The following PDZD9 variants were observed in gnomAD, a reference collection of about 807,000 sequenced individuals.
PDZD9 encodes PDZ domain containing 9.
A neutral mutation model predicts 16.3 loss-of-function variants in PDZD9; 13 were observed. That is an observed-to-expected ratio of 0.80 (90% CI 0.52 to 1.27). The LOEUF (loss-of-function observed/expected upper bound fraction) is 1.27. Ranked by LOEUF, PDZD9 falls within the 50% of genes most tolerant of loss-of-function variation. PDZD9 has a pLI of 0.00. For missense variants in PDZD9, 288 were observed against 310.9 expected (o/e 0.93, Z 0.55); for synonymous variants, 120 against 111.0 (o/e 1.08, Z -0.51).
At chr16:21,980,029 A>G (rs549172710), downstream of PDZD9, among the ~76,000 whole-genome samples, 1 of 152,332 alleles carries the variant, frequency 6.6e-6, no homozygotes, top group East Asian at 1.9e-4. Context: ...CTGAGCACAT[A>G]TGAGATAACC....
At chr16:21,975,511 G>A in the PDZD9 span, among the ~76,000 whole-genome samples, 1 of 152,122 alleles carries the variant, frequency 6.6e-6, no homozygotes, top group African/African-American at 2.4e-5. Context: ...AGCCAGCACT[G>A]GGATGGAGAA....
intron 3 of PDZD9, among the ~76,000 whole-genome samples, chr16:21,987,113 G>A (rs1018410687): frequency 1.3e-5 from 2 of 152,132 alleles, no homozygotes; most frequent in African/African-American, 4.8e-5. Context: ...GCCAGGATCA[G>A]ATTTGCATTA....
downstream of PDZD9, among the ~76,000 whole-genome samples, chr16:21,979,412 G>A (rs1008312658): frequency 1.3e-5 from 2 of 152,186 alleles, no homozygotes; most frequent in Non-Finnish European, 2.9e-5. Flanking sequence ...TTTCATCACT[G>A]TGTGAACCTC....
chr16:21,965,377 TTCCCTAAA>T, the PDZD9 span: 1 of 1,604,536 alleles, frequency 6.2e-7, no homozygotes, highest in Non-Finnish European at 8.5e-7. Context: ...GAAAGTGCAT[TTCCCTAAA>T]TGCTTCTTCA....
chr16:21,982,983 A>G, downstream of PDZD9: 1 of 960,076 alleles, frequency 1.0e-6, no homozygotes. Context: ...AAAAAAAAAA[A>G]GAATGTCCTA....
At chr16:21,998,049 G>A (rs1899194124) in intron 1 of PDZD9, among the ~76,000 whole-genome samples, 1 of 152,086 alleles carries the variant, frequency 6.6e-6, no homozygotes, top group Admixed American at 6.6e-5. Flanking sequence ...CTCTGTTTGG[G>A]AAAATAAAAT....
intron 1 of PDZD9, among the ~76,000 whole-genome samples, chr16:21,996,834 G>A (rs1051297385): frequency 6.6e-6 from 1 of 152,114 alleles, no homozygotes; most frequent in Non-Finnish European, 1.5e-5. Context: ...GGGTTTTTTG[G>A]TTTTAACAGA....
Position 21,988,605 on chromosome 16 carries a change from G to T in PDZD9, c.398C>A (p.Thr133Lys). The T allele has an allele frequency of 6.2e-7, 1 of 1,606,554 alleles. No individual in the cohort carries two copies. The highest frequency in any genetic ancestry group is 1.1e-5 in the South Asian group (1 of 90,556). The change falls in exon 3 of 4, where the codon ACA becomes AAA. Residue 133 changes from threonine to lysine, a missense_variant. By Grantham distance (78) the Thr-to-Lys change is moderately conservative. Coordinates refer to ENST00000424898, the MANE Select transcript of PDZD9 (RefSeq NM_001363519.1). ...DLIPEAKFPV[T>K]STPKKIELAK... Reference sequence around the variant, plus strand: ...GTTCCTAAAATGAACTATTTACCTTGTTACTGGGAATTTGGCCTCAGGGAT... The same window carrying T: ...GTTCCTAAAATGAACTATTTACCTTTTTACTGGGAATTTGGCCTCAGGGAT...
At chr16:21,977,994 A>G in the PDZD9 span, among the ~76,000 whole-genome samples, 723 of 152,334 alleles carry the variant, frequency 4.7e-3, 7 homozygotes, top group African/African-American at 0.016. Context: ...GAAACACTGG[A>G]TTTACTTAAG....
At chr16:21,995,210 C>G (rs571199834) in intron 2 of PDZD9, 1 of 458,032 alleles carries the variant, frequency 2.2e-6, no homozygotes, top group Admixed American at 2.4e-5. Context: ...ACTCTCTCTT[C>G]CTCCCGCTCC....
the PDZD9 span, among the ~76,000 whole-genome samples, chr16:21,960,596 T>C: frequency 6.6e-6 from 1 of 152,230 alleles, no homozygotes; most frequent in Non-Finnish European, 1.5e-5. Flanking sequence ...GTATCCGTTT[T>C]TAACATGCCT....
the PDZD9 span, chr16:21,962,591 C>G: frequency 1.9e-6 from 3 of 1,600,516 alleles, no homozygotes; most frequent in Non-Finnish European, 2.6e-6. Context: ...CTTTGTAATG[C>G]GTCATTATGA....
At chr16:22,000,890 TAAC>T (rs1899283974) in intron 1 of PDZD9, 124 bp downstream of exon 1, 3 of 827,744 alleles carry the variant, frequency 3.6e-6, no homozygotes, top group South Asian at 3.3e-5. Context: ...ATGATGATGA[TAAC>T]AACAACGATG....
intron 2 of PDZD9, among the ~76,000 whole-genome samples, chr16:21,990,510 A>G (rs1567487092): frequency 6.6e-6 from 1 of 152,230 alleles, no homozygotes; most frequent in Non-Finnish European, 1.5e-5. Context: ...AAAACCTTCT[A>G]CTTTGGTCTT....
At chr16:21,958,780 A>G in the PDZD9 span, among the ~76,000 whole-genome samples, 1 of 152,224 alleles carries the variant, frequency 6.6e-6, no homozygotes, top group Admixed American at 6.5e-5. Context: ...AAATTTAAGT[A>G]ACTGTCTGGG....
chr16:21,992,744 T>G (rs946809511), intron 2 of PDZD9, among the ~76,000 whole-genome samples: 9 of 152,114 alleles, frequency 5.9e-5, no homozygotes, highest in Non-Finnish European at 1.0e-4. Flanking sequence ...CTTCCCAACT[T>G]TTGAGGTTTT....
chr16:21,996,326 C>T lies in PDZD9; in HGVS notation c.207G>A (p.Gln69=), dbSNP rs1899147778. 6.5e-7 allele frequency: 1 copy of T among 1,535,006 alleles called. No individual in the cohort carries two copies. Among genetic ancestry groups the T allele is most frequent in the Admixed American group, 2.0e-5 (1 of 50,944 alleles). Residue 69 remains glutamine, a synonymous_variant, in exon 2 of 4, where the codon CAG becomes CAA. Transcript: ENST00000424898. Reference sequence around the variant, plus strand: ...GCATGGCGAAAGGGCAATCACCTGGCTGGAGTTTCCCGTCGTTGGCTGCAG... The same window carrying T: ...GCATGGCGAAAGGGCAATCACCTGGTTGGAGTTTCCCGTCGTTGGCTGCAG... ...KGAAANDGKL[Q]PGDVLISVGH...
the PDZD9 span, among the ~76,000 whole-genome samples, chr16:21,977,507 A>G: frequency 3.2e-4 from 48 of 152,198 alleles, no homozygotes; most frequent in African/African-American, 1.0e-3. Context: ...GTTTTGTTTT[A>G]TAAGAAAGAC....
chr16:21,977,433 A>T, the PDZD9 span, among the ~76,000 whole-genome samples: 2 of 152,208 alleles, frequency 1.3e-5, no homozygotes, highest in Admixed American at 1.3e-4. Context: ...AGTATATAAG[A>T]GTACCTATTC....
Sources: gnomAD v4.1 joint callset for allele counts (sites outside exome capture counted in the v4.1 genomes callset) on GRCh38, gnomAD v4.1.1 for gene constraint, MANE v1.5 for transcripts, NCBI Gene and HGNC (gene_info 2026-07-23, HGNC 2026-07-21) for gene names.